NUDT3: variants seen among roughly 807,000 people sequenced by gnomAD.
The protein encoded by NUDT3 is nudix hydrolase 3, also known as diphosphoinositol polyphosphate phosphohydrolase 1.
A neutral mutation model predicts 23.6 loss-of-function variants in NUDT3; 9 were observed. The ratio of observed to expected loss-of-function variants is 0.38; its 90% CI spans 0.23 to 0.66. The LOEUF (loss-of-function observed/expected upper bound fraction) is 0.66. NUDT3 is among the 30% of genes least tolerant of loss of function. The probability of loss-of-function intolerance (pLI) is 0.52; values close to 1 mark genes in which losing one functional copy is unlikely to be tolerated. For missense variants in NUDT3, 172 were observed against 218.5 expected, an observed-to-expected ratio of 0.79 and a Z score of 1.34; for synonymous variants, 86 against 82.6, an observed-to-expected ratio of 1.04 and a Z score of -0.22.
chr6:34,332,461 G>C (rs1764142384), intron 2 of NUDT3, among the ~76,000 whole-genome samples: 1 of 152,072 alleles, frequency 6.6e-6, no homozygotes, highest in Non-Finnish European at 1.5e-5. Context: ...CAGAAGTGAA[G>C]GAGGTAAAAG....
rs547100994 is a variant in NUDT3, at chr6:34,392,298, G to C, written c.65C>G (p.Ala22Gly). 2.5e-6 allele frequency: 4 copies of C among 1,605,678 alleles called. No individual in the cohort carries two copies. The African/African-American group carries it at 5.4e-5, about 22-fold the overall frequency. ...GCTCTCGCTGCGGAAACACAGGCAT[G>C]CGGCCCGCTTCTTGTAGCCGTCGCC... ...YDGDGYKKRAACLCFRSESEE... is the reference protein window; with the variant it reads ...YDGDGYKKRAGCLCFRSESEE... The change falls in exon 1 of 5, where the codon GCA (alanine) becomes GGA (glycine). Residue 22 changes from alanine to glycine, a missense_variant. Physicochemically the swap from Ala to Gly is moderately conservative, Grantham distance 60. Transcript: ENST00000607016.
intron 2 of NUDT3, among the ~76,000 whole-genome samples, chr6:34,322,088 A>G (rs1421031606): frequency 2.0e-5 from 3 of 152,214 alleles, no homozygotes. Context: ...CTTTTCCTTC[A>G]CTTCAGAAAG....
At chr6:34,353,673 G>C (rs1764514009) in intron 1 of NUDT3, among the ~76,000 whole-genome samples, 1 of 151,900 alleles carries the variant, frequency 6.6e-6, no homozygotes, top group South Asian at 2.1e-4. Context: ...CAAAGTGCTA[G>C]GATTACAGGC....
intron 1 of NUDT3, among the ~76,000 whole-genome samples, chr6:34,366,027 C>T (rs185380868): frequency 8.4e-4 from 128 of 151,926 alleles, no homozygotes; most frequent in Admixed American, 1.6e-3. Context: ...AGAGCCAGAG[C>T]GAGACTCTGT....
At chr6:34,385,237 A>C (rs1355214599) in intron 1 of NUDT3, among the ~76,000 whole-genome samples, 1 of 152,136 alleles carries the variant, frequency 6.6e-6, no homozygotes, top group African/African-American at 2.4e-5. Context: ...AGGGAGGATC[A>C]CTTGAGCCAG....
Position 34,313,689 on chromosome 6 carries a change from G to A in NUDT3, c.211-18004C>T, listed in dbSNP as rs186910559. On this transcript the variant is annotated intron_variant, in intron 2 of 4. Coordinates refer to ENST00000607016, the MANE Select transcript of NUDT3 (RefSeq NM_006703.4). ...AAAAAAAAAAAAGTTAAGGCCGGGC[G>A]CAGTGGCTCACGCCTGTAATTCCAA... Among the ~76,000 whole-genome samples, 50 of 152,144 alleles carry A rather than the reference G, an allele frequency of 3.3e-4. 1 individual carries two copies. The East Asian group carries it at 8.7e-3, about 26-fold the overall frequency.
chr6:34,353,916 TTTTC>T (rs1032670991), intron 1 of NUDT3, among the ~76,000 whole-genome samples: 1 of 150,954 alleles, frequency 6.6e-6, no homozygotes, highest in East Asian at 1.9e-4. Flanking sequence ...AGGCTAGTCT[TTTTC>T]TTTTTTTTTT....
intron 1 of NUDT3, among the ~76,000 whole-genome samples, chr6:34,368,155 C>G (rs895773909): frequency 6.6e-6 from 1 of 152,186 alleles, no homozygotes; most frequent in African/African-American, 2.4e-5. Context: ...GAGCTGAGAT[C>G]GTGCCACTGC....
intron 1 of NUDT3, among the ~76,000 whole-genome samples, chr6:34,367,360 C>T (rs142174001): frequency 0.014 from 2,057 of 151,512 alleles, 30 homozygotes; most frequent in African/African-American, 0.038. Context: ...CGTGTGCCTG[C>T]GATCCCAGCT....
intron 1 of NUDT3, among the ~76,000 whole-genome samples, chr6:34,389,877 T>C (rs781142779): frequency 2.0e-5 from 3 of 150,808 alleles, no homozygotes; most frequent in Non-Finnish European, 4.4e-5. Flanking sequence ...GGCAGGAGAA[T>C]GGCGTGAATC....
chr6:34,314,144 T>C (rs1581859972), intron 2 of NUDT3, among the ~76,000 whole-genome samples: 1 of 147,520 alleles, frequency 6.8e-6, no homozygotes, highest in African/African-American at 2.5e-5. Context: ...AAACCTTGGC[T>C]GGGGGCGGTG....
chr6:34,323,833 G>A (rs937846830), intron 2 of NUDT3, among the ~76,000 whole-genome samples: 1 of 152,180 alleles, frequency 6.6e-6, no homozygotes, highest in African/African-American at 2.4e-5. Context: ...TTTCTTGTAT[G>A]CTTGAAAATT....
chr6:34,368,968 TTGTC>T (rs1278275489), intron 1 of NUDT3, among the ~76,000 whole-genome samples: 1 of 152,196 alleles, frequency 6.6e-6, no homozygotes, highest in Non-Finnish European at 1.5e-5. Context: ...AAGTAATTCA[TTGTC>T]TGTTTTCTGG....
At chr6:34,370,432 T>C (rs1764808706) in intron 1 of NUDT3, among the ~76,000 whole-genome samples, 1 of 152,140 alleles carries the variant, frequency 6.6e-6, no homozygotes, top group Admixed American at 6.5e-5. Flanking sequence ...ATGACAGAAG[T>C]AATAGTGCCA....
At chr6:34,308,460 CAAAAAAAA>C (rs1183799403) in intron 2 of NUDT3, among the ~76,000 whole-genome samples, 1 of 81,960 alleles carries the variant, frequency 1.2e-5, no homozygotes, top group Non-Finnish European at 2.7e-5. Flanking sequence ...GATCGTCTCT[CAAAAAAAA>C]AAAAAAAAAA....
chr6:34,290,590 G>A (rs1763406846), intron 4 of NUDT3, among the ~76,000 whole-genome samples: 1 of 151,076 alleles, frequency 6.6e-6, no homozygotes, highest in African/African-American at 2.4e-5. Context: ...TGCTAGAAAG[G>A]CTAAGGCAGG....
At chr6:34,387,696 A>G (rs1473792571) in intron 1 of NUDT3, among the ~76,000 whole-genome samples, 2 of 149,710 alleles carry the variant, frequency 1.3e-5, no homozygotes, top group South Asian at 2.1e-4. Flanking sequence ...AAAAAAAAAA[A>G]GTGATTTTAG....
At chr6:34,382,122 T>C (rs1765030050) in intron 1 of NUDT3, among the ~76,000 whole-genome samples, 1 of 142,738 alleles carries the variant, frequency 7.0e-6, no homozygotes, top group Non-Finnish European at 1.5e-5. Context: ...ACAGGCCAGA[T>C]GTGGTGGCTC....
intron 2 of NUDT3, among the ~76,000 whole-genome samples, chr6:34,317,586 C>A (rs1047862732): frequency 6.6e-6 from 1 of 152,078 alleles, no homozygotes; most frequent in Non-Finnish European, 1.5e-5. Flanking sequence ...TTGCTCTCAG[C>A]CTTTGATTCT....
Sources: gnomAD v4.1 joint callset for allele counts (sites outside exome capture counted in the v4.1 genomes callset) on GRCh38, gnomAD v4.1.1 for gene constraint, MANE v1.5 for transcripts, NCBI Gene and HGNC (gene_info 2026-07-23, HGNC 2026-07-21) for gene names.